Variants in PMVK observed in about 807,000 individuals in gnomAD.
PMVK encodes the protein testis tissue sperm-binding protein Li 95mP.
A neutral mutation model predicts 19.0 loss-of-function variants in PMVK; 10 were observed. That is an observed-to-expected ratio of 0.53 (90% confidence interval 0.32 to 0.89). The LOEUF is 0.89. Ranked by LOEUF, PMVK falls within the 40% of genes least tolerant of loss-of-function variation. The pLI, the probability that PMVK is intolerant of heterozygous loss-of-function variation, is 0.03. For missense variants in PMVK, 222 were observed against 251.1 expected, an observed-to-expected ratio of 0.88 and a Z score of 0.78; for synonymous variants, 108 against 101.6, an observed-to-expected ratio of 1.06 and a Z score of -0.38.
chr1:154,936,269 G>T, intron 1 of PMVK: 1 of 434,682 alleles, frequency 2.3e-6, no homozygotes, highest in Non-Finnish European at 3.1e-6. Flanking sequence ...TTTCGTAGAG[G>T]CGGGGTCTCG....
chr1:154,936,821 G>T (rs1160013779), upstream of PMVK: 6 of 773,134 alleles, frequency 7.8e-6, no homozygotes, highest in Non-Finnish European at 1.3e-5. Context: ...CCGTAGCTGC[G>T]AACAGGGCTG....
At chr1:154,929,985 G>A (rs1654285970) in intron 2 of PMVK, among the ~76,000 whole-genome samples, 1 of 152,176 alleles carries the variant, frequency 6.6e-6, no homozygotes, top group South Asian at 2.1e-4. Flanking sequence ...TCCTGAACCA[G>A]TTTCCCTCCA....
At chr1:154,933,643 G>A (rs1342179562) in intron 1 of PMVK, among the ~76,000 whole-genome samples, 8 of 150,996 alleles carry the variant, frequency 5.3e-5, no homozygotes, top group South Asian at 2.1e-4. Context: ...ACAGGCGCCC[G>A]CCACTACACC....
chr1:154,934,608 C>T (rs1654444742), intron 1 of PMVK, among the ~76,000 whole-genome samples: 1 of 152,194 alleles, frequency 6.6e-6, no homozygotes, highest in African/African-American at 2.4e-5. Context: ...CAAAGCAACA[C>T]TGCAAGTAGT....
At chr1:154,934,928 G>A (rs1223668783) in intron 1 of PMVK, among the ~76,000 whole-genome samples, 2 of 151,920 alleles carry the variant, frequency 1.3e-5, no homozygotes, top group Non-Finnish European at 2.9e-5. Context: ...TGGGCATGGT[G>A]GCACACACCT....
intron 2 of PMVK, among the ~76,000 whole-genome samples, chr1:154,930,599 A>G (rs1654305772): frequency 7.6e-6 from 1 of 130,834 alleles, no homozygotes; most frequent in East Asian, 2.5e-4. Context: ...ATCAGTTTTG[A>G]AAGTGCTCCT....
Position 154,925,085 on chromosome 1 carries a change from A to ACCCCCC in PMVK, c.*43_*44insGGGGGG. ...ACCCCCATTTTGCAGAGTCAGCCCC[A>ACCCCCC]CCCCCACCTCAGCAGGCCCCAGCTC... On this transcript the variant is annotated 3_prime_UTR_variant, in exon 5 of 5. Transcript: ENST00000368467. The ACCCCCC allele has an allele frequency of 4.5e-6, 3 of 660,696 alleles. No homozygotes were observed. The highest frequency in any genetic ancestry group is 3.2e-5 in the Admixed American group (1 of 31,076). The allele number at this position is 660,696 out of a possible 1,614,324, so 40.9% of individuals were successfully genotyped here.
Position 154,926,483 on chromosome 1 carries a change from G to A in PMVK, c.313C>T (p.Leu105=). 6.2e-7 allele frequency: 1 copy of A among 1,613,450 alleles called. No homozygotes were observed. Among genetic ancestry groups the A allele is most frequent in the Non-Finnish European group, 8.5e-7 (1 of 1,179,718 alleles). Residue 105 remains leucine (L), a splice_region_variant and synonymous_variant, in exon 4 of 5, where the codon CTG becomes TTG. Coordinates refer to ENST00000368467, the MANE Select transcript of PMVK (RefSeq NM_006556.4). ...GACACTCTCCGTGTGTCACTCACCA[G>A]CTGCAGGAGAGGGACAGACAGGTGA... The part of the protein sequence containing the change: ...IVEGISQPIW[L]VSDTRRVSDI...
intron 2 of PMVK, among the ~76,000 whole-genome samples, chr1:154,929,545 AG>A (rs961239135): frequency 6.6e-6 from 1 of 151,972 alleles, no homozygotes; most frequent in Non-Finnish European, 1.5e-5. Flanking sequence ...GGGAAATCTG[AG>A]GGGGGAAAAA....
At chr1:154,935,986 C>T (rs1340741779) in intron 1 of PMVK, among the ~76,000 whole-genome samples, 1 of 152,050 alleles carries the variant, frequency 6.6e-6, no homozygotes, top group African/African-American at 2.4e-5. Context: ...ACCACCACAC[C>T]CGGCCTGTTT....
chr1:154,936,687 G>A lies in PMVK; in HGVS notation c.-2C>T. On this transcript the variant is annotated 5_prime_UTR_variant, in exon 1 of 5. Transcript: ENST00000368467. ...CGGGGCGCCTCCCAGCGGGGCCATG[G>A]GGCCGCCACGCCTCGCGATGCCTGA... 6.2e-7 allele frequency: 1 copy of A among 1,601,256 alleles called. No individual in the cohort carries two copies. The highest frequency in any genetic ancestry group is 1.1e-5 in the South Asian group (1 of 88,944).
chr1:154,941,302 A>G (rs1477786277), upstream of PMVK, among the ~76,000 whole-genome samples: 32 of 152,326 alleles, frequency 2.1e-4, no homozygotes, highest in Non-Finnish European at 1.5e-5. Flanking sequence ...AAAGGTTACC[A>G]AAGAGATGGG....
At chr1:154,927,466 A>C (rs1654200604) in intron 3 of PMVK, among the ~76,000 whole-genome samples, 1 of 150,306 alleles carries the variant, frequency 6.7e-6, no homozygotes, top group South Asian at 2.1e-4. Context: ...AAAAAAAAAA[A>C]AAAAAAAAAA....
chr1:154,926,589 C>T (rs559429476), intron 3 of PMVK, 106 bp from the exon 4 acceptor site: 4 of 889,414 alleles, frequency 4.5e-6, no homozygotes, highest in Admixed American at 2.3e-5. Context: ...GCTCTACCCC[C>T]CCATCATCGT....
At chr1:154,927,610 A>G (rs1363676823) in intron 3 of PMVK, among the ~76,000 whole-genome samples, 1 of 151,646 alleles carries the variant, frequency 6.6e-6, no homozygotes, top group Non-Finnish European at 1.5e-5. Flanking sequence ...TCCCCATCTC[A>G]CTCAGAATAA....
chr1:154,925,438 G>T (rs143945636), intron 4 of PMVK, among the ~76,000 whole-genome samples, 173 bp from the exon 5 acceptor site: 1 of 152,170 alleles, frequency 6.6e-6, no homozygotes, highest in Admixed American at 6.5e-5. Context: ...GTGATGGCAG[G>T]TTCAGTAGCC....
In PMVK at chr1:154,928,955, A is replaced by G. The variant is rs538257084; in HGVS notation, c.312+69T>C. The G allele has an allele frequency of 1.7e-5, 25 of 1,469,216 alleles. No homozygotes were observed. In the South Asian group the frequency reaches 2.9e-4, roughly 17 times the overall value. The allele number at this position is 1,469,216 out of a possible 1,614,324, so 91.0% of individuals were successfully genotyped here. The stretch of plus-strand genomic sequence containing the variant: ...GGGCCAGGATGGTGGCAGTGGAGAC[A>G]GAGAGAGATGGACACAGCGAAGAGC... On this transcript the variant is annotated intron_variant, in intron 3 of 4. Coordinates refer to ENST00000368467, the MANE Select transcript of PMVK (RefSeq NM_006556.4).
At chr1:154,940,829 A>G (rs1006242747), upstream of PMVK, among the ~76,000 whole-genome samples, 1 of 152,230 alleles carries the variant, frequency 6.6e-6, no homozygotes, top group African/African-American at 2.4e-5. Context: ...CTCCTGCCAC[A>G]TCGGGGAACC....
the PMVK span, among the ~76,000 whole-genome samples, chr1:154,942,612 G>T: frequency 2.0e-4 from 31 of 152,344 alleles, no homozygotes; most frequent in East Asian, 5.6e-3. Context: ...TGATTCAGCA[G>T]CTTCAGAAAC....
Sources: allele counts gnomAD v4.1 joint callset (sites outside exome capture counted in the v4.1 genomes callset), GRCh38; gene constraint gnomAD v4.1.1; transcripts MANE v1.5; gene names NCBI Gene and HGNC (gene_info 2026-07-23, HGNC 2026-07-21).